CACNA2D3: variants seen among roughly 807,000 people sequenced by gnomAD.
CACNA2D3 encodes voltage-dependent calcium channel subunit alpha-2/delta-3.
In CACNA2D3, 60 loss-of-function variants were observed where a neutral mutation model predicts 160.6. That is an observed-to-expected ratio of 0.37 (90% CI 0.30 to 0.46). The LOEUF (loss-of-function observed/expected upper bound fraction) is 0.46, where lower values mean the gene tolerates loss of function less well. Ranked by LOEUF, CACNA2D3 falls within the 20% of genes least tolerant of loss-of-function variation. CACNA2D3 has a pLI of 1.00. For missense variants in CACNA2D3, 1,205 were observed against 1,365.0 expected (o/e 0.88, Z 1.85); for synonymous variants, 558 against 492.9 (o/e 1.13, Z -1.75).
chr3:54,237,140 A>G (rs1214115898), intron 2 of CACNA2D3, among the ~76,000 whole-genome samples: 2 of 152,128 alleles, frequency 1.3e-5, no homozygotes, highest in Non-Finnish European at 2.9e-5. Context: ...TTCCCCTACA[A>G]AGTGTCTGTT....
intron 2 of CACNA2D3, among the ~76,000 whole-genome samples, chr3:54,245,693 A>G (rs997982375): frequency 1.3e-5 from 2 of 152,174 alleles, no homozygotes; most frequent in African/African-American, 4.8e-5. Context: ...TGCCTTTGGG[A>G]AGGTCACACG....
chr3:54,302,062 A>G (rs1338631124), intron 2 of CACNA2D3, among the ~76,000 whole-genome samples: 1 of 152,234 alleles, frequency 6.6e-6, no homozygotes, highest in Non-Finnish European at 1.5e-5. Context: ...TTCCTGATCT[A>G]GCATCTGTAA....
chr3:54,581,753 C>A, intron 8 of CACNA2D3, 50 bp from the exon 9 acceptor site: 2 of 1,422,874 alleles, frequency 1.4e-6, no homozygotes, highest in Non-Finnish European at 2.0e-6. Flanking sequence ...TTAAGAAGTA[C>A]CCTTCAATTC....
chr3:54,691,073 A>G (rs567870759), intron 11 of CACNA2D3, among the ~76,000 whole-genome samples: 2 of 152,186 alleles, frequency 1.3e-5, no homozygotes, highest in East Asian at 1.9e-4. Flanking sequence ...CCTTTAGAAG[A>G]TGTTAGCTGT....
At chr3:55,038,864 C>CTATATATATATATATATATA (rs10576329) in intron 35 of CACNA2D3, among the ~76,000 whole-genome samples, 8 of 99,084 alleles carry the variant, frequency 8.1e-5, no homozygotes, top group African/African-American at 1.4e-4. Flanking sequence ...AGCCAGGATG[C>CTATATATATATATATATATA]TATATATATA....
chr3:54,922,481 G>T (rs531031810), intron 27 of CACNA2D3, among the ~76,000 whole-genome samples: 1 of 152,246 alleles, frequency 6.6e-6, no homozygotes, highest in East Asian at 1.9e-4. Flanking sequence ...GGAAGATGTT[G>T]CCATAGTATG....
chr3:55,071,729 ATTTGT>A (rs1280964857), intron 35 of CACNA2D3, among the ~76,000 whole-genome samples: 1 of 151,926 alleles, frequency 6.6e-6, no homozygotes, highest in African/African-American at 2.4e-5. Flanking sequence ...AAAGAATTGG[ATTTGT>A]TTTTTCAGTG....
Position 54,672,535 on chromosome 3 carries a change from A to C in CACNA2D3, c.1167+30294A>C, listed in dbSNP as rs557888587. ...TGGCCTCATTTTAGGGGTTGTTTCC[A>C]GAATGAAAACTAAAGATGAAATGGA... On this transcript the variant is annotated intron_variant, in intron 11 of 37. Transcript: ENST00000474759. Among the ~76,000 whole-genome samples, 4 of 152,310 alleles carry C rather than the reference A, an allele frequency of 2.6e-5. No individual in the cohort carries two copies. In the East Asian group the frequency reaches 7.7e-4, roughly 29 times the overall value.
intron 13 of CACNA2D3, among the ~76,000 whole-genome samples, chr3:54,811,465 C>CTTTTT (rs71096451): frequency 2.5e-4 from 28 of 111,604 alleles, no homozygotes; most frequent in East Asian, 5.9e-4. Flanking sequence ...TCCCTCAGTT[C>CTTTTT]TTTTTTTTTT....
At chr3:54,822,787 T>TTTCTTTCTTTCTTTCTTTCTTTCC (rs1553874250) in intron 14 of CACNA2D3, among the ~76,000 whole-genome samples, 1 of 70,650 alleles carries the variant, frequency 1.4e-5, no homozygotes, top group African/African-American at 5.3e-5. Context: ...TCTTTCTTTC[T>TTTCTTTCTTTCTTTCTTTCTTTCC]TTCCTTTCTT....
intron 4 of CACNA2D3, among the ~76,000 whole-genome samples, chr3:54,445,396 C>G (rs1700205325): frequency 6.6e-6 from 1 of 152,158 alleles, no homozygotes; most frequent in Admixed American, 6.5e-5. Flanking sequence ...CTTGAGAATT[C>G]TTAACCTTGA....
intron 16 of CACNA2D3, among the ~76,000 whole-genome samples, chr3:54,839,994 G>A (rs1263801024): frequency 6.6e-6 from 1 of 152,156 alleles, no homozygotes; most frequent in Non-Finnish European, 1.5e-5. Context: ...AGACTTTGAG[G>A]CCCCTAAAGA....
At chr3:54,276,172 C>T (rs766229384) in intron 2 of CACNA2D3, among the ~76,000 whole-genome samples, 7 of 152,104 alleles carry the variant, frequency 4.6e-5, no homozygotes, top group East Asian at 1.9e-4. Flanking sequence ...ATGTGCCCTG[C>T]GCCCTCTCCC....
chr3:54,668,465 G>A (rs780612606), intron 11 of CACNA2D3, among the ~76,000 whole-genome samples: 4 of 152,164 alleles, frequency 2.6e-5, no homozygotes, highest in Admixed American at 6.6e-5. Flanking sequence ...GGAAGCATCC[G>A]TGGCCTTTTG....
intron 29 of CACNA2D3, among the ~76,000 whole-genome samples, chr3:54,972,560 A>C (rs1702298783): frequency 1.3e-5 from 2 of 151,714 alleles, no homozygotes. Flanking sequence ...CAGTGGTCTG[A>C]CTTCTCCATT....
intron 17 of CACNA2D3, among the ~76,000 whole-genome samples, chr3:54,860,472 T>G (rs184360469): frequency 7.6e-4 from 116 of 152,292 alleles, no homozygotes; most frequent in African/African-American, 2.6e-3. Flanking sequence ...AGGTTTTTCA[T>G]GAATATGGGG....
chr3:54,265,555 T>TATA (rs1702485002), intron 2 of CACNA2D3, among the ~76,000 whole-genome samples: 1 of 99,982 alleles, frequency 1.0e-5, no homozygotes, highest in Non-Finnish European at 1.9e-5. Context: ...TGTGTGTGTG[T>TATA]GTATAGTGTG....
intron 27 of CACNA2D3, among the ~76,000 whole-genome samples, chr3:54,946,192 A>G (rs1162249853): frequency 2.0e-5 from 3 of 152,062 alleles, no homozygotes; most frequent in Admixed American, 6.5e-5. Context: ...CCTGCCTCTC[A>G]CTTTGCCTGT....
chr3:54,424,239 G>A (rs1441758510), intron 4 of CACNA2D3, among the ~76,000 whole-genome samples: 1 of 152,162 alleles, frequency 6.6e-6, no homozygotes, highest in Non-Finnish European at 1.5e-5. Context: ...TGAGCTATGG[G>A]ACCTTCCCAC....
Sources: allele counts gnomAD v4.1 joint callset (sites outside exome capture counted in the v4.1 genomes callset), GRCh38; gene constraint gnomAD v4.1.1; transcripts MANE v1.5; gene names NCBI Gene and HGNC (gene_info 2026-07-23, HGNC 2026-07-21).